Variants in SLC2A7 observed in about 807,000 individuals in gnomAD.
SLC2A7 encodes the protein solute carrier family 2 member 7.
Under a neutral mutation model 50.5 loss-of-function variants are expected in SLC2A7, and 50 were observed. The observed-to-expected ratio is 0.99, with a 90% CI of 0.79 to 1.25. The LOEUF (loss-of-function observed/expected upper bound fraction) is 1.25, where lower values mean the gene tolerates loss of function less well. Among genes scored for constraint, SLC2A7 ranks in the 50% most tolerant of loss-of-function variants. SLC2A7 has a pLI of 0.00. For missense variants in SLC2A7, 683 were observed against 679.1 expected (o/e 1.01, Z -0.06); for synonymous variants, 308 against 300.4 (o/e 1.03, Z -0.26).
intron 11 of SLC2A7, 29 bp from the exon 12 acceptor site, chr1:9,003,547 G>A (rs749132381): frequency 6.2e-7 from 1 of 1,600,090 alleles, no homozygotes; most frequent in Non-Finnish European, 8.6e-7. Context: ...AAGACAGGAG[G>A]GGGCAGAGAA....
intron 11 of SLC2A7, among the ~76,000 whole-genome samples, chr1:9,004,245 A>T (rs1240429924): frequency 6.0e-5 from 9 of 150,444 alleles, no homozygotes; most frequent in Admixed American, 3.3e-4. Flanking sequence ...AGGTAGGAGG[A>T]TCACTTAAGC....
rs767407643 is a variant in SLC2A7, at chr1:9,010,155, C to T, written c.1104G>A (p.Val368=). The T allele has an allele frequency of 2.6e-6, 4 of 1,552,620 alleles. No homozygotes were observed. The highest frequency in any genetic ancestry group is 2.4e-5 in the South Asian group (2 of 84,100). The change falls in exon 9 of 12, where the codon GTG becomes GTA. Residue 368 remains valine, a synonymous_variant. Coordinates refer to ENST00000400906, the MANE Select transcript of SLC2A7 (RefSeq NM_207420.3). ...AATGAGGTCAGACCTGGAATAGGAG[C>T]ACCACCGTCAGCACCAGGCAGGCAG... ...CGSACLVLTV[V]LLFQNRVPEL...
chr1:9,023,034 T>C lies in SLC2A7; in HGVS notation c.195A>G (p.Ala65=), dbSNP rs1471523048. The change falls in exon 3 of 12, where the codon GCA becomes GCG. Residue 65 remains alanine, a synonymous_variant. Transcript: ENST00000400906. Reference sequence around the variant, plus strand: ...GCATGAGCTTCCCGTCCATGAATGTTGCGTGTCGCTCAAAGTAGGTTTCGT... The same window carrying C: ...GCATGAGCTTCCCGTCCATGAATGTCGCGTGTCGCTCAAAGTAGGTTTCGT... ...FYNETYFERH[A]TFMDGKLMLL... is the part of the protein sequence containing the mutation. 2.5e-6 allele frequency: 4 copies of C among 1,614,180 alleles called. No individual in the cohort carries two copies. The highest frequency in any genetic ancestry group is 1.6e-4 in the Middle Eastern group (1 of 6,062).
At chr1:9,000,411 G>C (rs912780425), downstream of SLC2A7, among the ~76,000 whole-genome samples, 8 of 152,036 alleles carry the variant, frequency 5.3e-5, no homozygotes, top group Non-Finnish European at 8.8e-5. Context: ...CTGAGGTTGG[G>C]AGTTCAAAAC....
chr1:9,001,485 T>TATC (rs34045777), downstream of SLC2A7, among the ~76,000 whole-genome samples: 3,378 of 150,876 alleles, frequency 0.022, 107 homozygotes, highest in African/African-American at 0.077. Context: ...GCAGTGGCAT[T>TATC]ATGGCTCATT....
chr1:8,999,550 A>G (rs1640547949), downstream of SLC2A7, among the ~76,000 whole-genome samples: 1 of 152,136 alleles, frequency 6.6e-6, no homozygotes, highest in East Asian at 1.9e-4. Context: ...CAGCAACTGT[A>G]TTTGGGTGGC....
chr1:9,004,327 T>A (rs1640619370), intron 11 of SLC2A7, among the ~76,000 whole-genome samples: 2 of 69,006 alleles, frequency 2.9e-5, no homozygotes, highest in Non-Finnish European at 6.1e-5. Flanking sequence ...AGCAAGGCCC[T>A]GTCTAAAAAA....
Position 9,008,895 on chromosome 1 carries a change from T to C in SLC2A7, c.1116+1248A>G, listed in dbSNP as rs1384710437. Among the ~76,000 whole-genome samples the C allele has an allele frequency of 1.3e-5, 2 of 152,198 alleles. No individual in the cohort carries two copies. The highest frequency in any genetic ancestry group is 1.5e-5 in the Non-Finnish European group (1 of 68,032). On this transcript the variant is annotated intron_variant, in intron 9 of 11. Transcript: ENST00000400906. This position sits in a 1 kb window ranked among gnomAD's most constrained non-coding sequence, Gnocchi z 5.9. ...ACAGGTGTGAGCCACTGCGTCTGGC[T>C]GAGAACTTATACTGGTTTTAAAATT...
the SLC2A7 span, among the ~76,000 whole-genome samples, chr1:8,995,944 T>TA: frequency 2.0e-5 from 3 of 152,044 alleles, no homozygotes; most frequent in Non-Finnish European, 4.4e-5. Flanking sequence ...ATTTTTAGAT[T>TA]ATTTGCAGAG....
At chr1:9,006,773 C>G (rs1217397196) in intron 10 of SLC2A7, among the ~76,000 whole-genome samples, 1 of 152,178 alleles carries the variant, frequency 6.6e-6, no homozygotes, top group African/African-American at 2.4e-5. Flanking sequence ...GAAGGAGGTT[C>G]AATTCTCAGG....
chr1:9,007,121 C>A (rs148058289), intron 10 of SLC2A7, among the ~76,000 whole-genome samples, 189 bp downstream of exon 10: 16 of 152,180 alleles, frequency 1.1e-4, no homozygotes, highest in Admixed American at 9.2e-4. Context: ...GCCTGGCTGG[C>A]GCTGGTTGAA....
At position 9,010,274 on chromosome 1, in the gene SLC2A7, G is replaced by A. The variant is rs774526957; in HGVS notation, c.1015-30C>T. The A allele has an allele frequency of 5.3e-5, 82 of 1,536,662 alleles. 1 individual carries two copies. Among genetic ancestry groups the A allele is most frequent in the East Asian group, 7.4e-5 (3 of 40,808 alleles). ...AGGGGAAGGGGGACAGTGAGAAGCC[G>A]CCTTGGCCTGGCGCCCACGGTTCTT... On this transcript the variant is annotated intron_variant, in intron 8 of 11. Transcript: ENST00000400906.
At chr1:9,025,938 T>G (rs777578158) in intron 1 of SLC2A7, among the ~76,000 whole-genome samples, 2 of 152,160 alleles carry the variant, frequency 1.3e-5, no homozygotes, top group Non-Finnish European at 2.9e-5. Flanking sequence ...CCCGTAGCTC[T>G]GCACATCCAG....
rs771057995 is a variant in SLC2A7, at chr1:9,003,375, C to T, written c.1464G>A (p.Lys488=). The part of the protein sequence containing the change: ...NRIFAKRNRV[K]LPEEKEETID... ...TGGTTTCTTCTTTCTCCTCTGGAAG[C>T]TTCACCCTGTTTCTCTTGGCAAAAA... The change falls in exon 12 of 12, where the codon AAG becomes AAA. Residue 488 remains lysine, a synonymous_variant. Coordinates refer to ENST00000400906, the MANE Select transcript of SLC2A7 (RefSeq NM_207420.3). The T allele has an allele frequency of 1.2e-6, 2 of 1,614,240 alleles. No individual in the cohort carries two copies. Among genetic ancestry groups the T allele is most frequent in the South Asian group, 1.1e-5 (1 of 91,080 alleles).
chr1:9,002,174 G>A (rs1640585146), downstream of SLC2A7, among the ~76,000 whole-genome samples: 1 of 152,176 alleles, frequency 6.6e-6, no homozygotes, highest in Non-Finnish European at 1.5e-5. Flanking sequence ...TTCCCCCCAT[G>A]GAGATGGCCT....
In SLC2A7 at chr1:9,005,956, C is replaced by T. The variant is rs547628064; in HGVS notation, c.1193-1077G>A. On this transcript the variant is annotated intron_variant, in intron 10 of 11. Coordinates refer to ENST00000400906, the MANE Select transcript of SLC2A7 (RefSeq NM_207420.3). ...TCCAGGGCCCTGACCCCAAAGTGGA[C>T]GCCGGCAGGGATGTCATCTGTCCTG... 7.0e-4 allele frequency among the ~76,000 whole-genome samples: 107 copies of T among 152,278 alleles called. 1 individual carries two copies. The highest frequency in any genetic ancestry group is 3.4e-3 in the Middle Eastern group (1 of 294).
rs1365594172 is a variant in SLC2A7, at chr1:9,019,336, G to T, written c.312-3C>A. Reference sequence around the variant, plus strand: ...TGTTGATCAGCAGGGTCCCCTTTCTGCAAAGACAGTGAGCCCAGAGGGCAG... The same window carrying T: ...TGTTGATCAGCAGGGTCCCCTTTCTTCAAAGACAGTGAGCCCAGAGGGCAG... On this transcript the variant is annotated splice_region_variant and splice_polypyrimidine_tract_variant and intron_variant, in intron 3 of 11. Transcript: ENST00000400906. The T allele has an allele frequency of 6.2e-7, 1 of 1,613,658 alleles. No individual in the cohort carries two copies. Among genetic ancestry groups the T allele is most frequent in the Non-Finnish European group, 8.5e-7 (1 of 1,179,794 alleles).
downstream of SLC2A7, among the ~76,000 whole-genome samples, chr1:9,000,281 A>G (rs1314837313): frequency 6.6e-6 from 1 of 152,062 alleles, no homozygotes; most frequent in African/African-American, 2.4e-5. Flanking sequence ...CATGATTGCC[A>G]CTGCACTCCA....
chr1:9,002,690 G>A (rs998550716), downstream of SLC2A7, among the ~76,000 whole-genome samples: 6 of 152,154 alleles, frequency 3.9e-5, no homozygotes, highest in South Asian at 4.1e-4. Context: ...GCTGAGCGCC[G>A]GTCCCCTGGG....
Sources: allele counts gnomAD v4.1 joint callset (sites outside exome capture counted in the v4.1 genomes callset), GRCh38; gene constraint gnomAD v4.1.1; non-coding constraint Gnocchi (gnomAD v3.1); transcripts MANE v1.5; gene names NCBI Gene and HGNC (gene_info 2026-07-23, HGNC 2026-07-21).